The following PPP1CB variants were observed in gnomAD, a reference collection of about 807,000 sequenced individuals.
PPP1CB encodes protein phosphatase 1 catalytic subunit beta.
A neutral mutation model predicts 43.7 loss-of-function variants in PPP1CB; 2 were observed. The observed-to-expected ratio is 0.05, with a 90% CI of 0.02 to 0.14. The LOEUF (loss-of-function observed/expected upper bound fraction) is 0.14. Among genes scored for constraint, PPP1CB ranks in the 10% least tolerant of loss-of-function variants. The pLI is 1.00. For synonymous variants in PPP1CB, 136 were observed against 135.6 expected, an observed-to-expected ratio of 1.00 and a Z score of -0.02; for missense variants, 84 against 398.0, an observed-to-expected ratio of 0.21 and a Z score of 6.71.
At chr2:28,792,972 G>A (rs1667418659) in intron 6 of PPP1CB, among the ~76,000 whole-genome samples, 2 of 152,274 alleles carry the variant, frequency 1.3e-5, no homozygotes, top group South Asian at 2.1e-4. Context: ...TTGGGAGGCC[G>A]AGGCGGGCAG....
chr2:28,775,580 C>T (rs554516315), intron 1 of PPP1CB, among the ~76,000 whole-genome samples: 2 of 152,166 alleles, frequency 1.3e-5, no homozygotes, highest in African/African-American at 2.4e-5. Flanking sequence ...CCTTGCTTTG[C>T]TGCCCAGGCT....
intron 1 of PPP1CB, among the ~76,000 whole-genome samples, chr2:28,752,677 G>T (rs1015078431): frequency 1.3e-5 from 2 of 152,222 alleles, no homozygotes; most frequent in Non-Finnish European, 2.9e-5. Flanking sequence ...TAACAGGACT[G>T]CTTCGTCTGC....
In PPP1CB at chr2:28,799,379, C is replaced by A; in HGVS notation, c.*76C>A. The A allele has an allele frequency of 8.4e-7, 1 of 1,183,976 alleles. No homozygotes were observed. Among genetic ancestry groups the A allele is most frequent in the Non-Finnish European group, 1.2e-6 (1 of 817,506 alleles). 73.3% of individuals were successfully genotyped at this position (1,183,976 alleles called of 1,614,324 possible). On this transcript the variant is annotated 3_prime_UTR_variant, in exon 8 of 8. Transcript: ENST00000395366. ...TAATATATAAGTGTGCACTGTAAAACCATCCAGCCATTTGACACCCTTTAT... is the reference window on the plus strand; with the variant it reads ...TAATATATAAGTGTGCACTGTAAAAACATCCAGCCATTTGACACCCTTTAT...
chr2:28,757,743 C>G (rs1203918341), intron 1 of PPP1CB, among the ~76,000 whole-genome samples: 1 of 152,138 alleles, frequency 6.6e-6, no homozygotes, highest in Non-Finnish European at 1.5e-5. Context: ...TGTTTGTTTT[C>G]TCTGAATTAA....
intron 3 of PPP1CB, 81 bp from the exon 4 acceptor site, chr2:28,781,657 C>T: frequency 2.1e-6 from 2 of 930,326 alleles, no homozygotes; most frequent in Non-Finnish European, 3.3e-6. Flanking sequence ...AAATTGAAAT[C>T]ATTCATAATC....
chr2:28,798,254 T>G (rs1050517250), intron 7 of PPP1CB, among the ~76,000 whole-genome samples: 1 of 152,148 alleles, frequency 6.6e-6, no homozygotes, highest in Admixed American at 6.6e-5. Flanking sequence ...AAAGCCAGAC[T>G]GTATCAAGTT....
chr2:28,784,665 C>T (rs899437135), intron 5 of PPP1CB, among the ~76,000 whole-genome samples: 5 of 152,040 alleles, frequency 3.3e-5, no homozygotes, highest in African/African-American at 9.7e-5. Flanking sequence ...CGCCTGTAGT[C>T]CCAGCGCTTT....
intron 3 of PPP1CB, among the ~76,000 whole-genome samples, chr2:28,779,703 A>T (rs1312798359): frequency 6.6e-6 from 1 of 152,140 alleles, no homozygotes; most frequent in Non-Finnish European, 1.5e-5. Context: ...CTTCAAATTG[A>T]ATTTTTTATT....
chr2:28,751,722 G>T, upstream of PPP1CB: 1 of 244,950 alleles, frequency 4.1e-6, no homozygotes, highest in Non-Finnish European at 8.0e-6. Context: ...CCTCGGCGGG[G>T]AGCGCACCGC....
intron 6 of PPP1CB, among the ~76,000 whole-genome samples, chr2:28,790,548 CA>C (rs1667365310): frequency 6.6e-6 from 1 of 152,092 alleles, no homozygotes; most frequent in Non-Finnish European, 1.5e-5. Flanking sequence ...CTATACTGGC[CA>C]GGCTGATCTC....
intron 1 of PPP1CB, among the ~76,000 whole-genome samples, chr2:28,773,661 G>A (rs1366305334): frequency 2.3e-5 from 2 of 86,492 alleles, no homozygotes; most frequent in South Asian, 4.7e-4. Context: ...TTGCCCGGAT[G>A]ATTTCTTCCT....
chr2:28,771,080 T>C (rs1439467961), intron 1 of PPP1CB, among the ~76,000 whole-genome samples: 2 of 124,852 alleles, frequency 1.6e-5, no homozygotes, highest in Admixed American at 1.9e-4. Flanking sequence ...TGAGGCAGAG[T>C]TTCACTCTTG....
intron 1 of PPP1CB, among the ~76,000 whole-genome samples, chr2:28,764,537 A>G (rs1666738414): frequency 6.6e-6 from 1 of 152,154 alleles, no homozygotes. Flanking sequence ...GTTGCTTAAA[A>G]GCAGGCTTTT....
chr2:28,759,236 C>A (rs1196900012), intron 1 of PPP1CB, among the ~76,000 whole-genome samples: 1 of 152,150 alleles, frequency 6.6e-6, no homozygotes, highest in African/African-American at 2.4e-5. Flanking sequence ...GTACAACAGG[C>A]CACGCGTGGT....
chr2:28,778,140 T>C (rs990941181), intron 2 of PPP1CB, among the ~76,000 whole-genome samples: 6 of 152,208 alleles, frequency 3.9e-5, no homozygotes, highest in South Asian at 2.1e-4. Flanking sequence ...AAATGTAATA[T>C]AGAAATAACT....
rs1667111674 is a variant in PPP1CB at position 28,779,743 on chromosome 2, CT to C, written c.415+711del. ...TCTTCCCTATTAGAATCTACTTTTG[CT>C]TTTTTTCAATCCTTAATTATGTTAG... is the stretch of plus-strand genomic sequence containing the variant. On this transcript the variant is annotated intron_variant, in intron 3 of 7. Coordinates refer to ENST00000395366, the MANE Select transcript of PPP1CB (RefSeq NM_002709.3). Among the ~76,000 whole-genome samples, 3 of 151,970 alleles carry C rather than the reference CT, an allele frequency of 2.0e-5. No homozygotes were observed. In the South Asian group the frequency reaches 6.2e-4, roughly 32 times the overall value.
intron 7 of PPP1CB, among the ~76,000 whole-genome samples, chr2:28,797,596 A>G (rs1203931009): frequency 6.6e-6 from 1 of 151,740 alleles, no homozygotes; most frequent in African/African-American, 2.4e-5. Flanking sequence ...TTGTGAATGT[A>G]TTCATTTATT....
chr2:28,754,859 G>C (rs943158528), intron 1 of PPP1CB, among the ~76,000 whole-genome samples: 1 of 152,128 alleles, frequency 6.6e-6, no homozygotes, highest in Non-Finnish European at 1.5e-5. Context: ...CTCTGCATTA[G>C]GGGAAAACAT....
chr2:28,787,510 C>T (rs1449013646), intron 5 of PPP1CB, among the ~76,000 whole-genome samples: 3 of 152,170 alleles, frequency 2.0e-5, no homozygotes, highest in Non-Finnish European at 4.4e-5. Context: ...TAGAAAATCA[C>T]CATCACCATC....
Sources: allele counts gnomAD v4.1 joint callset (sites outside exome capture counted in the v4.1 genomes callset), GRCh38; gene constraint gnomAD v4.1.1; transcripts MANE v1.5; gene names NCBI Gene and HGNC (gene_info 2026-07-23, HGNC 2026-07-21).